The following GNG12 variants were observed in gnomAD, a reference collection of about 807,000 sequenced individuals.
GNG12 encodes the protein G protein subunit gamma 12.
For synonymous variants in GNG12, 28 were observed against 29.7 expected, an observed-to-expected ratio of 0.94 and a Z score of 0.19; for missense variants, 69 against 83.8, an observed-to-expected ratio of 0.82 and a Z score of 0.69.
chr1:67,717,352 T>C (rs1402254913), intron 2 of GNG12, among the ~76,000 whole-genome samples: 1 of 151,864 alleles, frequency 6.6e-6, no homozygotes, highest in Non-Finnish European at 1.5e-5. Flanking sequence ...CTGTCTCTAC[T>C]AAAAAAAGGA....
At chr1:67,809,100 G>A (rs557225563) in intron 1 of GNG12, among the ~76,000 whole-genome samples, 50 of 152,116 alleles carry the variant, frequency 3.3e-4, no homozygotes, top group South Asian at 6.2e-4. Flanking sequence ...ACAGGTGAAC[G>A]AAACAGAACA....
intron 2 of GNG12, among the ~76,000 whole-genome samples, chr1:67,711,436 T>G (rs1452980365): frequency 6.7e-6 from 1 of 149,822 alleles, no homozygotes; most frequent in East Asian, 2.0e-4. Flanking sequence ...AGAATGGGAG[T>G]TCAGGGTTTC....
In GNG12 at chr1:67,803,217, A is replaced by G. The variant is rs534929705; in HGVS notation, c.-76-25710T>C. ...TTTATCCCATTAGGGAGAAAATTTT[A>G]ATTTAAAGTTAGTTGGTTGGGCACA... On this transcript the variant is annotated intron_variant, in intron 1 of 3. Coordinates refer to ENST00000370982, the MANE Select transcript of GNG12 (RefSeq NM_018841.6). Among the ~76,000 whole-genome samples the G allele has an allele frequency of 2.2e-5, 3 of 135,612 alleles. No individual in the cohort carries two copies. The South Asian group carries it at 6.6e-4, about 30-fold the overall frequency. 89.0% of individuals were successfully genotyped at this position (135,612 alleles called of 152,430 possible). A position where few individuals can be genotyped will look rare whatever the true frequency, so the allele number is the denominator to read the frequency against.
intron 1 of GNG12, among the ~76,000 whole-genome samples, chr1:67,791,922 G>A (rs1209926177): frequency 6.6e-6 from 1 of 152,160 alleles, no homozygotes; most frequent in East Asian, 1.9e-4. Flanking sequence ...ACTCTATCCA[G>A]CCACACTAAC....
intron 1 of GNG12, among the ~76,000 whole-genome samples, chr1:67,801,651 T>A (rs1171375146): frequency 6.6e-6 from 1 of 152,162 alleles, no homozygotes; most frequent in Non-Finnish European, 1.5e-5. Context: ...GCAATTTGTG[T>A]CCTATTTCAG....
At position 67,705,571 on chromosome 1, in the gene GNG12, C is replaced by T. The variant is rs763599665; in HGVS notation, c.99G>A (p.Ser33=). 38 of 1,604,898 alleles carry T rather than the reference C, an allele frequency of 2.4e-5. No homozygotes were observed. Among genetic ancestry groups the T allele is most frequent in the Non-Finnish European group, 2.7e-5 (32 of 1,177,378 alleles). Reference sequence around the variant, plus strand: ...AGGACATGAGGTCCGCTGATGCCTTCGAAACCTGACATGGAGATAAATCAA... The same window carrying T: ...AGGACATGAGGTCCGCTGATGCCTTTGAAACCTGACATGGAGATAAATCAA... ...LEASIERIKV[S]KASADLMSYC... Residue 33 remains serine, a synonymous_variant, in exon 4 of 4, where the codon TCG becomes TCA. Coordinates refer to ENST00000370982, the MANE Select transcript of GNG12 (RefSeq NM_018841.6).
intron 2 of GNG12, among the ~76,000 whole-genome samples, chr1:67,728,792 A>G (rs1332676936): frequency 1.3e-5 from 2 of 152,180 alleles, no homozygotes; most frequent in African/African-American, 4.8e-5. Context: ...GTGTTAATGA[A>G]TGTTTCAAGA....
rs575569398 is a variant in GNG12 at position 67,742,205 on chromosome 1, C to T, written c.-26-34493G>A. ...GATCTAAGTAAATGTTCACAACATT[C>T]ACAAAAAGACTCATCCACCACAATG... On this transcript the variant is annotated intron_variant, in intron 2 of 3. Transcript: ENST00000370982. 2.0e-5 allele frequency among the ~76,000 whole-genome samples: 3 copies of T among 152,304 alleles called. No homozygotes were observed. In the South Asian group the frequency reaches 6.2e-4, roughly 32 times the overall value.
At chr1:67,825,062 G>C (rs573934501) in intron 1 of GNG12, among the ~76,000 whole-genome samples, 1 of 152,210 alleles carries the variant, frequency 6.6e-6, no homozygotes, top group Admixed American at 6.5e-5. Flanking sequence ...TTAAAAAAGA[G>C]GGCAAGGCAT....
chr1:67,722,236 C>G (rs1432549146), intron 2 of GNG12, among the ~76,000 whole-genome samples: 1 of 152,044 alleles, frequency 6.6e-6, no homozygotes, highest in Non-Finnish European at 1.5e-5. Flanking sequence ...TCCTAGGGAG[C>G]CATTCCTCTG....
At chr1:67,744,558 G>C (rs913253297) in intron 2 of GNG12, among the ~76,000 whole-genome samples, 2 of 152,204 alleles carry the variant, frequency 1.3e-5, no homozygotes, top group Non-Finnish European at 2.9e-5. Flanking sequence ...CCACGTCTTA[G>C]TGCAGCGCCA....
intron 2 of GNG12, among the ~76,000 whole-genome samples, 152 bp from the exon 3 acceptor site, chr1:67,707,864 G>A (rs930911766): frequency 6.6e-6 from 1 of 152,160 alleles, no homozygotes; most frequent in African/African-American, 2.4e-5. Context: ...TTAGAAATTC[G>A]AGTGGTGACC....
chr1:67,717,494 C>A lies in GNG12; in HGVS notation c.-26-9782G>T, dbSNP rs952754315. Among the ~76,000 whole-genome samples, 24 of 147,350 alleles carry A rather than the reference C, an allele frequency of 1.6e-4. No individual in the cohort carries two copies. The South Asian group carries it at 4.9e-3, about 30-fold the overall frequency. ...TTGCACCATTGCACTCCAGCCTGGG[C>A]GACAAAGTGAGACTCTGTCAAAAAA... On this transcript the variant is annotated intron_variant, in intron 2 of 3. Transcript: ENST00000370982.
At chr1:67,792,052 T>C (rs1646804410) in intron 1 of GNG12, among the ~76,000 whole-genome samples, 1 of 152,170 alleles carries the variant, frequency 6.6e-6, no homozygotes. Context: ...CCTCACTTCT[T>C]TCAGGTCTCT....
At chr1:67,832,936 C>A (rs1200002197) in intron 1 of GNG12, among the ~76,000 whole-genome samples, 1 of 152,202 alleles carries the variant, frequency 6.6e-6, no homozygotes, top group Non-Finnish European at 1.5e-5. Flanking sequence ...CCCAACCCGG[C>A]GCGGGGCGCA....
chr1:67,735,347 C>A (rs1264293507), intron 2 of GNG12, among the ~76,000 whole-genome samples: 1 of 152,184 alleles, frequency 6.6e-6, no homozygotes, highest in East Asian at 1.9e-4. Flanking sequence ...ATTATTTGCA[C>A]ATAAAAATAT....
intron 1 of GNG12, among the ~76,000 whole-genome samples, chr1:67,798,220 C>T (rs1013026685): frequency 3.3e-5 from 5 of 152,174 alleles, no homozygotes; most frequent in African/African-American, 1.2e-4. Context: ...CTGAACTCTG[C>T]TTCCTGTGGA....
chr1:67,799,471 T>C (rs1646851934), intron 1 of GNG12, among the ~76,000 whole-genome samples: 1 of 152,204 alleles, frequency 6.6e-6, no homozygotes, highest in Admixed American at 6.5e-5. Flanking sequence ...TGTCCTGACT[T>C]TGTATCTAGT....
At chr1:67,802,156 G>A (rs987399199) in intron 1 of GNG12, among the ~76,000 whole-genome samples, 1 of 152,126 alleles carries the variant, frequency 6.6e-6, no homozygotes, top group Non-Finnish European at 1.5e-5. Context: ...CCAGAGGAAT[G>A]AACTCATATG....
Sources: allele counts gnomAD v4.1 joint callset (sites outside exome capture counted in the v4.1 genomes callset), GRCh38; gene constraint gnomAD v4.1.1; transcripts MANE v1.5; gene names NCBI Gene and HGNC (gene_info 2026-07-23, HGNC 2026-07-21).